Variants in LIN9 observed in about 807,000 individuals in gnomAD.
LIN9 encodes protein lin-9 homolog.
A neutral mutation model predicts 78.0 loss-of-function variants in LIN9; 18 were observed. That is an observed-to-expected ratio of 0.23 (90% CI 0.16 to 0.34). The LOEUF is 0.34. LIN9 is among the 10% of genes least tolerant of loss of function. The pLI is 1.00. For missense variants in LIN9, 451 were observed against 644.1 expected, an observed-to-expected ratio of 0.70 and a Z score of 3.25; for synonymous variants, 192 against 215.2, an observed-to-expected ratio of 0.89 and a Z score of 0.94.
chr1:226,289,254 GA>G (rs1229431674), intron 4 of LIN9, among the ~76,000 whole-genome samples: 1 of 151,372 alleles, frequency 6.6e-6, no homozygotes, highest in Non-Finnish European at 1.5e-5. Flanking sequence ...GAAAGAAAAG[GA>G]AAAAAATCTC....
At chr1:226,277,992 C>CA in intron 6 of LIN9, 60 bp from the exon 7 acceptor site, 2 of 1,316,928 alleles carry the variant, frequency 1.5e-6, no homozygotes, top group Non-Finnish European at 2.1e-6. Flanking sequence ...AACTTAAAAT[C>CA]TTTTTTTTTT....
chr1:226,266,016 A>T (rs1418494681), intron 9 of LIN9, among the ~76,000 whole-genome samples, 197 bp downstream of exon 9: 1 of 152,100 alleles, frequency 6.6e-6, no homozygotes, highest in Non-Finnish European at 1.5e-5. Flanking sequence ...AAATTCTGTT[A>T]TAATTAATAT....
chr1:226,255,449 T>TTG (rs769417395), intron 10 of LIN9, among the ~76,000 whole-genome samples: 1 of 152,080 alleles, frequency 6.6e-6, no homozygotes, highest in Non-Finnish European at 1.5e-5. Context: ...TGAGGTGCAT[T>TTG]TGTGAAGTTC....
Position 226,265,431 on chromosome 1 carries a change from C to T in LIN9, c.1038+102G>A, listed in dbSNP as rs958119168. 62 of 581,102 alleles carry T rather than the reference C, an allele frequency of 1.1e-4. 1 individual carries two copies. In the South Asian group the frequency reaches 1.1e-3, roughly 10 times the overall value. The allele number at this position is 581,102 out of a possible 1,614,324, so 36.0% of individuals were successfully genotyped here. On this transcript the variant is annotated intron_variant, in intron 10 of 14. Transcript: ENST00000681046. The surrounding 1 kb of genome is among the most constrained non-coding windows in gnomAD (Gnocchi z 4.1). ...GAAATAGCAGCTCTTAAAACCTACA[C>T]GGTGATAAACCTACACGGCCCTAGA...
intron 10 of LIN9, among the ~76,000 whole-genome samples, chr1:226,253,492 C>T (rs68046363): frequency 0.23 from 35,181 of 150,486 alleles, 4,384 homozygotes; most frequent in South Asian, 0.33. Context: ...TGAGGTTTTA[C>T]CATGTTGGCC....
At chr1:226,266,182 T>C in intron 9 of LIN9, 31 bp downstream of exon 9, 1 of 1,443,826 alleles carries the variant, frequency 6.9e-7, no homozygotes, top group Non-Finnish European at 9.3e-7. Context: ...AAAAATCAAT[T>C]AAATTATTGA....
chr1:226,248,464 T>A (rs74548727), intron 11 of LIN9, among the ~76,000 whole-genome samples: 206 of 152,336 alleles, frequency 1.4e-3, no homozygotes, highest in African/African-American at 4.7e-3. Context: ...TGAAAAAAAT[T>A]TGTTCAGCCT....
Position 226,232,162 on chromosome 1 carries a change from A to T in LIN9, c.*339T>A. 1 of 399,684 alleles carries T rather than the reference A, an allele frequency of 2.5e-6. No homozygotes were observed. The highest frequency in any genetic ancestry group is 4.4e-5 in the Admixed American group (1 of 22,772). The allele number at this position is 399,684 out of a possible 1,614,324, so 24.8% of individuals were successfully genotyped here. A position where few individuals can be genotyped will look rare whatever the true frequency, so the allele number is the denominator to read the frequency against. On this transcript the variant is annotated 3_prime_UTR_variant, in exon 15 of 15. Transcript: ENST00000681046. ...ACTCTCCATTGCAGCAGTTGTCTGC[A>T]TGTGTTGCGGTGAATTCATGCACAT...
chr1:226,281,095 A>G (rs1206244420), intron 6 of LIN9, among the ~76,000 whole-genome samples: 1 of 152,230 alleles, frequency 6.6e-6, no homozygotes, highest in African/African-American at 2.4e-5. Context: ...CACAAAATAT[A>G]ATGAAATCCT....
intron 12 of LIN9, 121 bp downstream of exon 12, chr1:226,238,850 A>G (rs1018103255): frequency 2.2e-6 from 2 of 913,822 alleles, no homozygotes; most frequent in African/African-American, 1.7e-5. Context: ...ACTTTATATA[A>G]TACAGTTCTG....
At position 226,265,570 on chromosome 1, in the gene LIN9, G is replaced by A; in HGVS notation, c.1001C>T (p.Thr334Ile). The A allele has an allele frequency of 6.2e-7, 1 of 1,611,354 alleles. No individual in the cohort carries two copies. The highest frequency in any genetic ancestry group is 8.5e-7 in the Non-Finnish European group (1 of 1,177,732). Reference sequence around the variant, plus strand: ...AAATTCTACTGGAAAACCACCTAATGTTTCAGTGTCAGAGCCAGAAATTTT... The same window carrying A: ...AAATTCTACTGGAAAACCACCTAATATTTCAGTGTCAGAGCCAGAAATTTT... ...RSKISGSDTE[T>I]LGGFPVEFLI... Residue 334 changes from threonine (T) to isoleucine (I), a missense_variant, in exon 10 of 15, where the codon ACA (threonine) becomes ATA (isoleucine). Coordinates refer to ENST00000681046, the MANE Select transcript of LIN9 (RefSeq NM_001366245.2). The surrounding 1 kb of genome is among the most constrained non-coding windows in gnomAD (Gnocchi z 4.1).
chr1:226,233,256 T>C, intron 13 of LIN9, 63 bp from the exon 14 acceptor site: 1 of 1,513,814 alleles, frequency 6.6e-7, no homozygotes, highest in South Asian at 1.2e-5. Context: ...ATAAAATACC[T>C]GATATAATCA....
Position 226,277,908 on chromosome 1 carries a change from T to C in LIN9, c.549A>G (p.Glu183=). The stretch of plus-strand genomic sequence containing the variant: ...GTTTCTGTTTTAATGCTGATCTCTC[T>C]TCCTCAAAAAATGCAGAAGAACATC... The part of the protein sequence containing the change: ...PRRCSSAFFE[E]ERSALKQKRQ... The change falls in exon 7 of 15, where the codon GAA becomes GAG. Residue 183 remains glutamate (E), a synonymous_variant. Transcript: ENST00000681046. The C allele has an allele frequency of 1.2e-6, 2 of 1,612,750 alleles. No homozygotes were observed. The highest frequency in any genetic ancestry group is 2.2e-5 in the South Asian group (2 of 90,754).
At chr1:226,262,759 T>C (rs1659670847) in intron 10 of LIN9, among the ~76,000 whole-genome samples, 1 of 152,172 alleles carries the variant, frequency 6.6e-6, no homozygotes, top group South Asian at 2.1e-4. Flanking sequence ...ACTCTTACCA[T>C]ATGAACCAGC....
chr1:226,267,450 T>C (rs1335761561), intron 8 of LIN9, among the ~76,000 whole-genome samples: 2 of 140,514 alleles, frequency 1.4e-5, no homozygotes, highest in Admixed American at 7.1e-5. Context: ...AAGATCTCAA[T>C]TCTAGTCTCA....
intron 10 of LIN9, among the ~76,000 whole-genome samples, chr1:226,259,429 C>T (rs1370592209): frequency 5.3e-5 from 8 of 152,096 alleles, no homozygotes; most frequent in Admixed American, 5.2e-4. Context: ...ATAAACTCAA[C>T]AATACCATCA....
Position 226,253,966 on chromosome 1 carries a change from ATAG to A in LIN9, c.1039-3050_1039-3048del, listed in dbSNP as rs1421617290. Among the ~76,000 whole-genome samples the A allele has an allele frequency of 3.9e-5, 6 of 152,198 alleles. 1 individual carries two copies. In the East Asian group the frequency reaches 1.2e-3, roughly 29 times the overall value. ...ATAATAAGGCCGGGTGTGGTAGCTT[ATAG>A]CTACCCAGGCTGAGTGCAGTAGCGT... On this transcript the variant is annotated intron_variant, in intron 10 of 14. Coordinates refer to ENST00000681046, the MANE Select transcript of LIN9 (RefSeq NM_001366245.2).
At position 226,265,018 on chromosome 1, in the gene LIN9, A is replaced by G; in HGVS notation, c.1038+515T>C. ...CTACATTTTTAAGAGTCCAGCTATAAGGAAATTTTCCAATATAATACTTCT... is the reference window on the plus strand; with the variant it reads ...CTACATTTTTAAGAGTCCAGCTATAGGGAAATTTTCCAATATAATACTTCT... On this transcript the variant is annotated intron_variant, in intron 10 of 14. Transcript: ENST00000681046. This position sits in a 1 kb window ranked among gnomAD's most constrained non-coding sequence, Gnocchi z 4.1. Among the ~76,000 whole-genome samples, 1 of 152,202 alleles carries G rather than the reference A, an allele frequency of 6.6e-6. No homozygotes were observed. The highest frequency in any genetic ancestry group is 1.9e-4 in the East Asian group (1 of 5,204).
At position 226,308,938 on chromosome 1, in the gene LIN9, C is replaced by G. The variant is rs1663097167; in HGVS notation, c.31+171G>C. On this transcript the variant is annotated intron_variant, in intron 1 of 14. Coordinates refer to ENST00000681046, the MANE Select transcript of LIN9 (RefSeq NM_001366245.2). ...AGAAACCAACACACAGACACCATAA[C>G]AAAGGCGGCGACGCGGCGGCAACAC... 5.9e-6 allele frequency: 3 copies of G among 509,182 alleles called. No individual in the cohort carries two copies. The South Asian group carries it at 2.8e-4, about 47-fold the overall frequency. 31.5% of individuals were successfully genotyped at this position (509,182 alleles called of 1,614,324 possible).
Sources: allele counts gnomAD v4.1 joint callset (sites outside exome capture counted in the v4.1 genomes callset), GRCh38; gene constraint gnomAD v4.1.1; non-coding constraint Gnocchi (gnomAD v3.1); transcripts MANE v1.5; gene names NCBI Gene and HGNC (gene_info 2026-07-23, HGNC 2026-07-21).